Variants in IPP observed in about 807,000 individuals in gnomAD.
The protein encoded by IPP is actin-binding protein IPP.
Under a neutral mutation model 64.1 loss-of-function variants are expected in IPP, and 41 were observed. The ratio of observed to expected loss-of-function variants is 0.64; its 90% CI spans 0.50 to 0.83. The LOEUF is 0.83. Among genes scored for constraint, IPP ranks in the 40% least tolerant of loss-of-function variants. The probability of loss-of-function intolerance (pLI) is 0.00; values close to 1 mark genes in which losing one functional copy is unlikely to be tolerated. For synonymous variants in IPP, 214 were observed against 235.2 expected (o/e 0.91, Z 0.83); for missense variants, 649 against 703.0 (o/e 0.92, Z 0.87).
At chr1:45,732,367 A>AAAAAAC (rs1166834182) in intron 3 of IPP, among the ~76,000 whole-genome samples, 1 of 150,880 alleles carries the variant, frequency 6.6e-6, no homozygotes, top group Non-Finnish European at 1.5e-5. Flanking sequence ...ACCTCAAAAA[A>AAAAAAC]AAAAAAAAAA....
rs1272806085 is a variant in IPP at position 45,738,851 on chromosome 1, A to AACAAAAAAAAC, written c.724+2049_724+2050insGTTTTTTTTGT. ...CAAGACTCCATCTCAAAAAAAAAAA[A>AACAAAAAAAAC]AAAAAAAAAAAAAACAAGAAAAAAA... is the stretch of plus-strand genomic sequence containing the variant. On this transcript the variant is annotated intron_variant, in intron 3 of 8. Transcript: ENST00000396478. Among the ~76,000 whole-genome samples, 508 of 143,168 alleles carry AACAAAAAAAAC rather than the reference A, an allele frequency of 3.5e-3. 5 individuals carry two copies. The highest frequency in any genetic ancestry group is 0.012 in the African/African-American group (458 of 38,904). 93.9% of individuals were successfully genotyped at this position (143,168 alleles called of 152,430 possible). A position where few individuals can be genotyped will look rare whatever the true frequency, so the allele number is the denominator to read the frequency against.
At chr1:45,707,422 C>CA (rs66578618) in intron 8 of IPP, among the ~76,000 whole-genome samples, 19,253 of 73,514 alleles carry the variant, frequency 0.26, 2,719 homozygotes, top group South Asian at 0.32. Flanking sequence ...GACTCCATAT[C>CA]AAAAAAAAAA....
intron 8 of IPP, among the ~76,000 whole-genome samples, chr1:45,704,197 A>C (rs1645488859): frequency 6.6e-6 from 1 of 152,174 alleles, no homozygotes; most frequent in Non-Finnish European, 1.5e-5. Context: ...TCATTTAGCA[A>C]ATAAGTAAAT....
At chr1:45,713,149 C>T (rs1439818779) in intron 8 of IPP, among the ~76,000 whole-genome samples, 3 of 152,002 alleles carry the variant, frequency 2.0e-5, no homozygotes, top group Non-Finnish European at 2.9e-5. Context: ...ATTTGGGGAG[C>T]GCAGTGGCTC....
intron 8 of IPP, among the ~76,000 whole-genome samples, chr1:45,710,203 G>T (rs1276047498): frequency 1.0e-5 from 1 of 98,904 alleles, no homozygotes; most frequent in African/African-American, 3.8e-5. Context: ...CTAGCCTGGC[G>T]AAAGAGAGCA....
chr1:45,744,013 TC>T lies in IPP; in HGVS notation c.292+2106del, dbSNP rs575702779. On this transcript the variant is annotated intron_variant, in intron 2 of 8. Coordinates refer to ENST00000396478, the MANE Select transcript of IPP (RefSeq NM_005897.3). ...GCCTGGGCGACAAAGTGAAACCCCG[TC>T]ACCAAAAAAAAAAAAAAGAGTAATA... is the stretch of plus-strand genomic sequence containing the variant. Among the ~76,000 whole-genome samples, 498 of 139,548 alleles carry T rather than the reference TC, an allele frequency of 3.6e-3. 2 individuals are homozygous for T. The highest frequency in any genetic ancestry group is 0.013 in the African/African-American group (469 of 37,334). 91.5% of individuals were successfully genotyped at this position (139,548 alleles called of 152,430 possible).
At position 45,739,825 on chromosome 1, in the gene IPP, T is replaced by C. The variant is rs1420139878; in HGVS notation, c.724+1076A>G. Among the ~76,000 whole-genome samples the C allele has an allele frequency of 3.4e-5, 3 of 88,418 alleles. No individual in the cohort carries two copies. In the East Asian group the frequency reaches 6.2e-4, roughly 18 times the overall value. The allele number at this position is 88,418 out of a possible 152,430, so 58.0% of individuals were successfully genotyped here. A position where few individuals can be genotyped will look rare whatever the true frequency, so the allele number is the denominator to read the frequency against. ...TTTTTCAGAGTAGCAAGAGGAAATC[T>C]TTTTTTTTTTTTTTTTAATTGATCA... is the stretch of plus-strand genomic sequence containing the variant. On this transcript the variant is annotated intron_variant, in intron 3 of 8. Coordinates refer to ENST00000396478, the MANE Select transcript of IPP (RefSeq NM_005897.3).
At chr1:45,694,651 G>C, downstream of IPP, 1 of 584,580 alleles carries the variant, frequency 1.7e-6, no homozygotes, top group Non-Finnish European at 3.1e-6. Context: ...GTAGGGAGCA[G>C]TGTCATGAGG....
At chr1:45,717,130 A>G in intron 6 of IPP, 113 bp from the exon 7 acceptor site, 1 of 978,452 alleles carries the variant, frequency 1.0e-6, no homozygotes, top group Non-Finnish European at 1.5e-6. Context: ...CACATGAGCC[A>G]AAGAGGTTAT....
At chr1:45,701,749 A>G (rs896481873) in intron 8 of IPP, among the ~76,000 whole-genome samples, 2 of 152,214 alleles carry the variant, frequency 1.3e-5, no homozygotes, top group Admixed American at 6.5e-5. Flanking sequence ...AGTTTTTTTA[A>G]TCATAAATAG....
In IPP at chr1:45,714,365, T is replaced by C. The variant is rs572992251; in HGVS notation, c.1411A>G (p.Met471Val). Reference protein sequence around the residue: ...LSKRWSPLPPMGTRRAYLGVA... With the variant: ...LSKRWSPLPPVGTRRAYLGVA... ...CCAAGATATGCTCTCCTGGTTCCCATTGGAGGAAGTGGAGACCAACGCTTA... is the reference window on the plus strand; with the variant it reads ...CCAAGATATGCTCTCCTGGTTCCCACTGGAGGAAGTGGAGACCAACGCTTA... The change falls in exon 8 of 9, where the codon ATG becomes GTG. Residue 471 changes from methionine to valine, a missense_variant. Coordinates refer to ENST00000396478, the MANE Select transcript of IPP (RefSeq NM_005897.3). 87 of 1,613,910 alleles carry C rather than the reference T, an allele frequency of 5.4e-5. No individual in the cohort carries two copies. The highest frequency in any genetic ancestry group is 4.8e-4 in the Admixed American group (29 of 60,014).
chr1:45,725,301 C>A (rs1645804742), intron 5 of IPP, among the ~76,000 whole-genome samples: 1 of 140,668 alleles, frequency 7.1e-6, no homozygotes, highest in Non-Finnish European at 1.6e-5. Flanking sequence ...GTGAGGAGCC[C>A]CTCTGCCCGG....
In IPP at chr1:45,739,474, T is replaced by C. The variant is rs913599190; in HGVS notation, c.724+1427A>G. On this transcript the variant is annotated intron_variant, in intron 3 of 8. Coordinates refer to ENST00000396478, the MANE Select transcript of IPP (RefSeq NM_005897.3). ...TTCACCATGTTGCCCAGGCTGGTCT[T>C]GAATTCTTGTGCTAAAGCGATCTGC... Among the ~76,000 whole-genome samples the C allele has an allele frequency of 2.0e-5, 3 of 147,436 alleles. No homozygotes were observed. In the Admixed American group the frequency reaches 2.1e-4, roughly 10 times the overall value.
In IPP at chr1:45,718,557, C is replaced by A. The variant is rs138709855; in HGVS notation, c.1186+646G>T. Among the ~76,000 whole-genome samples, 146 of 138,628 alleles carry A rather than the reference C, an allele frequency of 1.1e-3. 1 individual carries two copies. The East Asian group carries it at 0.016, about 15-fold the overall frequency. The allele number at this position is 138,628 out of a possible 152,430, so 90.9% of individuals were successfully genotyped here. ...CTGAGTGCCTCCTTAGGATGGACAG[C>A]CCAGGAGCACCCCCTCCAATCCCTG... On this transcript the variant is annotated intron_variant, in intron 6 of 8. Coordinates refer to ENST00000396478, the MANE Select transcript of IPP (RefSeq NM_005897.3).
chr1:45,745,975 C>CG (rs1252753103), intron 2 of IPP, 145 bp downstream of exon 2: 1 of 617,094 alleles, frequency 1.6e-6, no homozygotes, highest in African/African-American at 1.8e-5. Flanking sequence ...AAAGGAGCAC[C>CG]GGGTCATAAG....
intron 5 of IPP, among the ~76,000 whole-genome samples, chr1:45,725,089 C>A (rs1645797039): frequency 6.7e-6 from 1 of 148,558 alleles, no homozygotes; most frequent in Non-Finnish European, 1.5e-5. Flanking sequence ...CCCGCCCGGC[C>A]AGCCGCCCCG....
chr1:45,736,179 A>T (rs1645979307), intron 3 of IPP, among the ~76,000 whole-genome samples: 1 of 152,020 alleles, frequency 6.6e-6, no homozygotes, highest in South Asian at 2.1e-4. Flanking sequence ...GCTAGTCTCA[A>T]ACTCCTGGTC....
chr1:45,700,118 G>A lies in IPP; in HGVS notation c.1603C>T (p.Leu535=). 6.2e-7 allele frequency: 1 copy of A among 1,613,880 alleles called. No homozygotes were observed. The highest frequency in any genetic ancestry group is 8.5e-7 in the Non-Finnish European group (1 of 1,180,004). The change falls in exon 9 of 9, where the codon CTG becomes TTG. Residue 535 remains leucine (L), a synonymous_variant. Coordinates refer to ENST00000396478, the MANE Select transcript of IPP (RefSeq NM_005897.3). ...GMCVVAVNGL[L]YVSGGRSSSH... Reference sequence around the variant, plus strand: ...GAAGATCGACCTCCAGAAACATACAGAAGACCATTGACTGCCACAACACAC... The same window carrying A: ...GAAGATCGACCTCCAGAAACATACAAAAGACCATTGACTGCCACAACACAC...
At chr1:45,707,496 T>C (rs939027380) in intron 8 of IPP, among the ~76,000 whole-genome samples, 1 of 147,784 alleles carries the variant, frequency 6.8e-6, no homozygotes, top group Non-Finnish European at 1.5e-5. Flanking sequence ...AAGGAAAATA[T>C]GAACATGATG....
Sources: gnomAD v4.1 joint callset for allele counts (sites outside exome capture counted in the v4.1 genomes callset) on GRCh38, gnomAD v4.1.1 for gene constraint, MANE v1.5 for transcripts, NCBI Gene and HGNC (gene_info 2026-07-23, HGNC 2026-07-21) for gene names.